RNF182: variants seen among roughly 807,000 people sequenced by gnomAD.
The protein encoded by RNF182 is E3 ubiquitin-protein ligase RNF182.
Under a neutral mutation model 14.4 loss-of-function variants are expected in RNF182, and 15 were observed. The ratio of observed to expected loss-of-function variants is 1.04; its 90% confidence interval spans 0.70 to 1.60. The LOEUF (loss-of-function observed/expected upper bound fraction) is 1.60, where lower values mean the gene tolerates loss of function less well. Among genes scored for constraint, RNF182 ranks in the 40% most tolerant of loss-of-function variants. The pLI is 0.00. For missense variants in RNF182, 268 were observed against 294.8 expected (o/e 0.91, Z 0.67); for synonymous variants, 128 against 122.9 (o/e 1.04, Z -0.27).
intron 1 of RNF182, among the ~76,000 whole-genome samples, chr6:13,933,904 G>A (rs1759039812): frequency 6.6e-6 from 1 of 152,116 alleles, no homozygotes; most frequent in Admixed American, 6.5e-5. Flanking sequence ...TGTAGTCCCA[G>A]CTACTCGGGA....
At chr6:13,964,132 T>G (rs1759953253) in intron 1 of RNF182, among the ~76,000 whole-genome samples, 1 of 151,208 alleles carries the variant, frequency 6.6e-6, no homozygotes, top group Non-Finnish European at 1.5e-5. Context: ...GAAATACAGG[T>G]CTTTGAATTA....
At chr6:13,958,834 TG>T (rs1486501045) in intron 1 of RNF182, among the ~76,000 whole-genome samples, 1 of 152,212 alleles carries the variant, frequency 6.6e-6, no homozygotes, top group East Asian at 1.9e-4. Flanking sequence ...GCTGTGGTTT[TG>T]GATATTTGTT....
At chr6:13,968,370 G>A (rs1053741722) in intron 1 of RNF182, among the ~76,000 whole-genome samples, 6 of 152,082 alleles carry the variant, frequency 3.9e-5, no homozygotes, top group Admixed American at 2.0e-4. Context: ...AACTGAGGAA[G>A]AAATGAACAT....
At chr6:13,970,077 C>G (rs1760136843) in intron 1 of RNF182, among the ~76,000 whole-genome samples, 1 of 152,080 alleles carries the variant, frequency 6.6e-6, no homozygotes, top group Non-Finnish European at 1.5e-5. Context: ...GTGTAACATA[C>G]AAAGAATGTA....
chr6:13,971,316 C>G (rs767821803), intron 1 of RNF182, among the ~76,000 whole-genome samples: 6 of 152,280 alleles, frequency 3.9e-5, no homozygotes, highest in Non-Finnish European at 5.9e-5. Flanking sequence ...CATTCATTCT[C>G]TCTTGCCTGT....
At chr6:13,959,717 G>C (rs1266914151) in intron 1 of RNF182, among the ~76,000 whole-genome samples, 1 of 152,196 alleles carries the variant, frequency 6.6e-6, no homozygotes, top group Non-Finnish European at 1.5e-5. Flanking sequence ...TGAGAGAATG[G>C]TGGTGCCATT....
At chr6:13,954,178 T>C (rs1386728567) in intron 1 of RNF182, among the ~76,000 whole-genome samples, 1 of 152,196 alleles carries the variant, frequency 6.6e-6, no homozygotes, top group African/African-American at 2.4e-5. Flanking sequence ...AGCCCAGATG[T>C]CATATTATTT....
At chr6:13,960,656 A>AGAGTGTGTGTGT (rs1298804988) in intron 1 of RNF182, among the ~76,000 whole-genome samples, 2 of 133,112 alleles carry the variant, frequency 1.5e-5, no homozygotes, top group Non-Finnish European at 3.3e-5. Context: ...GGAGAGAGAG[A>AGAGTGTGTGTGT]GTGTGTGTGT....
In RNF182 at chr6:13,977,576, T is replaced by G; in HGVS notation, c.457T>G (p.Tyr153Asp). The stretch of plus-strand genomic sequence containing the variant: ...GAGCTCCACTCCTGTGGTAGAATTT[T>G]ATAGGCCTGCGAGTTTCGACTCTGT... Reference protein sequence around the residue: ...SLSSTPVVEFYRPASFDSVTT... With the variant: ...SLSSTPVVEFDRPASFDSVTT... Residue 153 changes from tyrosine to aspartate, a missense_variant, in exon 3 of 3, where the codon TAT (tyrosine) becomes GAT (aspartate). Tyr to Asp is a radical substitution (Grantham distance 160, BLOSUM62 -3). Coordinates refer to ENST00000488300, the MANE Select transcript of RNF182 (RefSeq NM_152737.4). 1 of 1,614,206 alleles carries G rather than the reference T, an allele frequency of 6.2e-7. No homozygotes were observed. The highest frequency in any genetic ancestry group is 8.5e-7 in the Non-Finnish European group (1 of 1,180,032).
chr6:13,930,406 A>G (rs1298366206), intron 1 of RNF182, among the ~76,000 whole-genome samples: 3 of 152,178 alleles, frequency 2.0e-5, no homozygotes, highest in Non-Finnish European at 2.9e-5. Flanking sequence ...ATGTAAATCT[A>G]TCTTGGAAAT....
rs897911451 is a variant in RNF182, at chr6:13,979,300, C to G, written c.*1437C>G. The G allele has an allele frequency of 1.2e-5, 2 of 166,408 alleles. No individual in the cohort carries two copies. The highest frequency in any genetic ancestry group is 1.5e-5 in the Non-Finnish European group (1 of 68,086). 10.3% of individuals were successfully genotyped at this position (166,408 alleles called of 1,614,324 possible). A position where few individuals can be genotyped will look rare whatever the true frequency, so the allele number is the denominator to read the frequency against. ...GAAACTAGGCAAAAATTTAAAAAAA[C>G]ATTCTAGTCTCTAAAACCCATTACT... On this transcript the variant is annotated 3_prime_UTR_variant, in exon 3 of 3. Transcript: ENST00000488300.
chr6:13,963,477 G>A (rs1399220688), intron 1 of RNF182, among the ~76,000 whole-genome samples: 1 of 152,188 alleles, frequency 6.6e-6, no homozygotes, highest in Admixed American at 6.5e-5. Flanking sequence ...TTTCTACTGG[G>A]CTCAGTGGGG....
chr6:13,931,371 G>A (rs2113578977), intron 1 of RNF182, among the ~76,000 whole-genome samples: 1 of 152,224 alleles, frequency 6.6e-6, no homozygotes, highest in East Asian at 1.9e-4. Context: ...ATTCCCTCAG[G>A]GTCAGAGCAA....
intron 1 of RNF182, among the ~76,000 whole-genome samples, chr6:13,953,225 C>T (rs1430991279): frequency 6.6e-6 from 1 of 152,168 alleles, no homozygotes; most frequent in Non-Finnish European, 1.5e-5. Context: ...TTTACTCAGC[C>T]CCTAGGCAAG....
At chr6:13,967,101 G>A (rs955896311) in intron 1 of RNF182, among the ~76,000 whole-genome samples, 9 of 152,136 alleles carry the variant, frequency 5.9e-5, no homozygotes, top group African/African-American at 2.2e-4. Context: ...GCCTCCCAAA[G>A]TGCTGGGATT....
chr6:13,955,419 G>T (rs747079036), intron 1 of RNF182, among the ~76,000 whole-genome samples: 1 of 152,226 alleles, frequency 6.6e-6, no homozygotes, highest in Non-Finnish European at 1.5e-5. Context: ...AGAAAAGGCA[G>T]AATAAATTCT....
intron 1 of RNF182, among the ~76,000 whole-genome samples, chr6:13,932,347 CTG>C (rs1758993644): frequency 1.3e-5 from 2 of 152,252 alleles, no homozygotes; most frequent in South Asian, 2.1e-4. Context: ...TGTTAATACT[CTG>C]TTTATATATC....
intron 1 of RNF182, among the ~76,000 whole-genome samples, chr6:13,929,589 G>A (rs1758914824): frequency 6.6e-6 from 1 of 151,908 alleles, no homozygotes; most frequent in Non-Finnish European, 1.5e-5. Context: ...CTTCCCTATG[G>A]GCCAGACACT....
chr6:13,939,796 G>C (rs1039019809), intron 1 of RNF182, among the ~76,000 whole-genome samples: 8 of 152,176 alleles, frequency 5.3e-5, no homozygotes, highest in African/African-American at 1.7e-4. Context: ...ACCCGCCTCA[G>C]CCTTCCAAAG....
Sources: gnomAD v4.1 joint callset for allele counts (sites outside exome capture counted in the v4.1 genomes callset) on GRCh38, gnomAD v4.1.1 for gene constraint, MANE v1.5 for transcripts, NCBI Gene and HGNC (gene_info 2026-07-23, HGNC 2026-07-21) for gene names.